Variants in GPC3 observed in about 807,000 individuals in gnomAD.
The protein encoded by GPC3 is glypican-3.
GPC3 carries 3 observed loss-of-function variants against 34.4 expected under a neutral mutation model. That is an observed-to-expected ratio of 0.09 (90% CI 0.04 to 0.23). The LOEUF (loss-of-function observed/expected upper bound fraction) is 0.23. GPC3 is among the 10% of genes least tolerant of loss of function. GPC3 has a pLI of 1.00. For missense variants in GPC3, 351 were observed against 445.6 expected, an observed-to-expected ratio of 0.79 and a Z score of 1.91; for synonymous variants, 177 against 174.0, an observed-to-expected ratio of 1.02 and a Z score of -0.13.
chrX:133,911,255 T>C (rs1396205525), intron 2 of GPC3, among the ~76,000 whole-genome samples: 1 of 112,106 alleles, frequency 8.9e-6, no homozygotes, highest in African/African-American at 3.2e-5. Flanking sequence ...CAAATTAACA[T>C]TCTACAAATT....
chrX:133,539,655 C>T (rs1049660228), intron 7 of GPC3, among the ~76,000 whole-genome samples: 4 of 112,283 alleles, frequency 3.6e-5, no homozygotes, highest in Non-Finnish European at 3.8e-5. Context: ...ATATTCAGAA[C>T]GCTATCTCCC....
intron 7 of GPC3, among the ~76,000 whole-genome samples, chrX:133,564,056 AC>A (rs1164116840): frequency 4.5e-5 from 5 of 111,033 alleles, no homozygotes; most frequent in African/African-American, 1.6e-4. Context: ...GTGATACGCC[AC>A]TGTTAGTTTG....
intron 2 of GPC3, among the ~76,000 whole-genome samples, chrX:133,800,928 C>G (rs1035321019): frequency 1.8e-5 from 2 of 111,910 alleles, no homozygotes; most frequent in Non-Finnish European, 3.8e-5. Flanking sequence ...GTCTTTTGTT[C>G]AAGCACATCT....
intron 5 of GPC3, among the ~76,000 whole-genome samples, chrX:133,688,595 A>G (rs1417861431): frequency 8.9e-6 from 1 of 111,907 alleles, no homozygotes. Flanking sequence ...ATTTCCCTCA[A>G]CATCAATATT....
At chrX:133,598,883 A>T (rs1274075872) in intron 6 of GPC3, among the ~76,000 whole-genome samples, 2 of 111,992 alleles carry the variant, frequency 1.8e-5, no homozygotes, top group African/African-American at 6.5e-5. Context: ...AAAAAATCAC[A>T]TTTGTTAATA....
intron 2 of GPC3, among the ~76,000 whole-genome samples, chrX:133,933,794 C>T (rs2076309187): frequency 9.1e-6 from 1 of 110,007 alleles, no homozygotes; most frequent in African/African-American, 3.3e-5. Flanking sequence ...TCCCCAGAAA[C>T]TGATGTCAGT....
intron 5 of GPC3, among the ~76,000 whole-genome samples, chrX:133,672,797 C>G (rs1338799560): frequency 1.8e-5 from 2 of 109,556 alleles, no homozygotes; most frequent in Non-Finnish European, 3.8e-5. Context: ...ACTACAGGCG[C>G]CCGCCACCAT....
At chrX:133,804,768 C>T (rs1321603222) in intron 2 of GPC3, among the ~76,000 whole-genome samples, 1 of 111,308 alleles carries the variant, frequency 9.0e-6, no homozygotes, top group Non-Finnish European at 1.9e-5. Context: ...TCTGCATTTG[C>T]CATTTTTCTT....
At chrX:133,565,967 A>G (rs1440558838) in intron 7 of GPC3, among the ~76,000 whole-genome samples, 1 of 112,406 alleles carries the variant, frequency 8.9e-6, no homozygotes, top group Admixed American at 9.4e-5. Context: ...CCTCCCCAAC[A>G]AAGTTGCCAA....
rs778532771 is a variant in GPC3 at position 133,758,575 on chromosome X, G to GA, written c.338-4400dup. Among the ~76,000 whole-genome samples, 784 of 110,841 alleles carry GA rather than the reference G, an allele frequency of 7.1e-3. 9 individuals carry two copies. Among genetic ancestry groups the GA allele is most frequent in the African/African-American group, 0.025 (760 of 30,527 alleles). On this transcript the variant is annotated intron_variant, in intron 2 of 7. Transcript: ENST00000370818. ...GGCAGGGAGGGAGGGAGAACATTAG[G>GA]AAAAATAGCTAATGCATGCTGAGCT...
rs936639928 is a variant in GPC3 at position 133,704,735 on chromosome X, G to T, written c.1033-4707C>A. Among the ~76,000 whole-genome samples, 5 of 110,756 alleles carry T rather than the reference G, an allele frequency of 4.5e-5. No individual in the cohort carries two copies. In the Admixed American group the frequency reaches 4.9e-4, roughly 11 times the overall value. ...AGGTTTTATGACCTGCTTCATGGGA[G>T]AAGGGGTGAGGGGAAGGTGAGAGTG... is the stretch of plus-strand genomic sequence containing the variant. On this transcript the variant is annotated intron_variant, in intron 3 of 7. Coordinates refer to ENST00000370818, the MANE Select transcript of GPC3 (RefSeq NM_004484.4).
chrX:133,626,910 C>G (rs1427737903), intron 6 of GPC3, among the ~76,000 whole-genome samples: 6 of 107,958 alleles, frequency 5.6e-5, no homozygotes, highest in African/African-American at 2.0e-4. Flanking sequence ...GACTTGGAAC[C>G]AACCCAAATG....
intron 3 of GPC3, among the ~76,000 whole-genome samples, chrX:133,734,580 AGAAG>A (rs1044044669): frequency 2.7e-5 from 3 of 110,251 alleles, no homozygotes; most frequent in South Asian, 7.8e-4. Context: ...AAAAAAAGAG[AGAAG>A]GAAGGAAGGA....
rs559116916 is a variant in GPC3 at position 133,714,892 on chromosome X, C to T, written c.1033-14864G>A. The stretch of plus-strand genomic sequence containing the variant: ...CTGAAGTACTTTTGAAAACTAACAG[C>T]CCACATTCATGGTGAAATCTAGCAT... On this transcript the variant is annotated intron_variant, in intron 3 of 7. Transcript: ENST00000370818. Among the ~76,000 whole-genome samples the T allele has an allele frequency of 2.0e-4, 22 of 111,998 alleles. No homozygotes were observed. The South Asian group carries it at 7.2e-3, about 36-fold the overall frequency.
chrX:133,559,907 A>G (rs955387419), intron 7 of GPC3, among the ~76,000 whole-genome samples: 1 of 110,753 alleles, frequency 9.0e-6, no homozygotes, highest in Non-Finnish European at 1.9e-5. Context: ...CTGTCTCTCT[A>G]TGTCTCTGCT....
At chrX:133,653,449 T>C (rs2070622158) in intron 6 of GPC3, among the ~76,000 whole-genome samples, 2 of 111,457 alleles carry the variant, frequency 1.8e-5, no homozygotes, top group Admixed American at 9.6e-5. Context: ...GATAAATTAT[T>C]ATAAGATGTC....
chrX:133,881,208 C>A (rs911166612), intron 2 of GPC3, among the ~76,000 whole-genome samples: 2 of 111,822 alleles, frequency 1.8e-5, no homozygotes, highest in Non-Finnish European at 3.8e-5. Context: ...ACCCACAATC[C>A]TCATCAGTAT....
chrX:133,826,523 G>T (rs1245704173), intron 2 of GPC3, among the ~76,000 whole-genome samples: 2 of 110,697 alleles, frequency 1.8e-5, no homozygotes, highest in African/African-American at 3.3e-5. Context: ...AAAGCATGAA[G>T]AAAAACAGCT....
At chrX:133,558,952 T>C (rs1437842824) in intron 7 of GPC3, among the ~76,000 whole-genome samples, 3 of 110,178 alleles carry the variant, frequency 2.7e-5, no homozygotes, top group South Asian at 3.9e-4. Flanking sequence ...AAAATAAATG[T>C]GTCCTCATGA....
Sources: gnomAD v4.1 joint callset for allele counts (sites outside exome capture counted in the v4.1 genomes callset) on GRCh38, gnomAD v4.1.1 for gene constraint, MANE v1.5 for transcripts, NCBI Gene and HGNC (gene_info 2026-07-23, HGNC 2026-07-21) for gene names.